ACACA: variants seen among roughly 807,000 people sequenced by gnomAD.
ACACA encodes the protein acetyl-CoA carboxylase alpha, also known as acetyl-CoA carboxylase 1.
In ACACA, 103 loss-of-function variants were observed where a neutral mutation model predicts 296.1. The observed-to-expected ratio is 0.35, with a 90% CI of 0.30 to 0.41. The LOEUF is 0.41. ACACA is among the 10% of genes least tolerant of loss of function. The pLI is 1.00. For missense variants in ACACA, 1,554 were observed against 2,989.7 expected, an observed-to-expected ratio of 0.52 and a Z score of 11.20; for synonymous variants, 953 against 1,038.6, an observed-to-expected ratio of 0.92 and a Z score of 1.58.
chr17:37,216,159 A>AC (rs1598205839), intron 29 of ACACA, among the ~76,000 whole-genome samples: 1,732 of 90,746 alleles, frequency 0.019, 24 homozygotes, highest in East Asian at 0.089. Flanking sequence ...CACACACACA[A>AC]CATACACATG....
intron 1 of ACACA, among the ~76,000 whole-genome samples, chr17:37,357,334 A>G (rs1175307734): frequency 6.6e-6 from 1 of 152,108 alleles, no homozygotes; most frequent in Non-Finnish European, 1.5e-5. Context: ...CTCTACCGAA[A>G]ATACAAAAAT....
chr17:37,353,192 A>C (rs2048982174), intron 1 of ACACA, among the ~76,000 whole-genome samples: 1 of 152,216 alleles, frequency 6.6e-6, no homozygotes, highest in Non-Finnish European at 1.5e-5. Context: ...AGCATAAAAC[A>C]GGACCCAGCA....
intron 1 of ACACA, among the ~76,000 whole-genome samples, chr17:37,342,913 A>AT (rs1339633126): frequency 2.0e-5 from 3 of 152,138 alleles, no homozygotes; most frequent in African/African-American, 7.2e-5. Flanking sequence ...GGCCAACAGA[A>AT]TGAGATTTTG....
intron 52 of ACACA, among the ~76,000 whole-genome samples, chr17:37,099,373 A>G (rs1031731882): frequency 6.6e-6 from 1 of 152,152 alleles, no homozygotes; most frequent in African/African-American, 2.4e-5. Context: ...CCTGAACAGC[A>G]TGAACGCACC....
chr17:37,391,256 G>C (rs771174847), intron 1 of ACACA, among the ~76,000 whole-genome samples: 26 of 152,170 alleles, frequency 1.7e-4, no homozygotes, highest in Admixed American at 5.2e-4. Context: ...ATAGTACTAA[G>C]ATAGCAATCT....
chr17:37,260,249 CATATATATATAT>C (rs1172232844), intron 11 of ACACA, among the ~76,000 whole-genome samples: 352 of 30,468 alleles, frequency 0.012, 12 homozygotes, highest in Middle Eastern at 0.028. Context: ...ACTCCCAAGT[CATATATATATAT>C]ATATATATAT....
At chr17:37,172,179 G>A (rs192941549) in intron 41 of ACACA, among the ~76,000 whole-genome samples, 1 of 152,142 alleles carries the variant, frequency 6.6e-6, no homozygotes, top group South Asian at 2.1e-4. Flanking sequence ...ACATTCTTTT[G>A]TTTGAAGGCT....
chr17:37,120,847 G>C (rs1447518818), intron 50 of ACACA, among the ~76,000 whole-genome samples: 1 of 152,100 alleles, frequency 6.6e-6, no homozygotes, highest in Admixed American at 6.5e-5. Flanking sequence ...TTGTAATAAT[G>C]GTCTAATATG....
rs547681899 is a variant in ACACA, at chr17:37,406,425, C to T, written c.-126G>A. The T allele has an allele frequency of 2.8e-6, 3 of 1,082,670 alleles. No individual in the cohort carries two copies. The highest frequency in any genetic ancestry group is 1.5e-5 in the African/African-American group (1 of 64,720). 67.1% of individuals were successfully genotyped at this position (1,082,670 alleles called of 1,614,324 possible). Reference sequence around the variant, plus strand: ...ACGCACCCTCTTCACCCCTTAAAATCAGTCTGGTTCATCCACGAGCAGCCC... The same window carrying T: ...ACGCACCCTCTTCACCCCTTAAAATTAGTCTGGTTCATCCACGAGCAGCCC... On this transcript the variant is annotated 5_prime_UTR_variant, in exon 1 of 56. Coordinates refer to ENST00000616317, the MANE Select transcript of ACACA (RefSeq NM_198834.3).
intron 24 of ACACA, among the ~76,000 whole-genome samples, chr17:37,236,637 C>T (rs1253028061): frequency 6.6e-6 from 1 of 152,068 alleles, no homozygotes; most frequent in African/African-American, 2.4e-5. Flanking sequence ...CCAGGCTGGC[C>T]AACAGGGTGA....
intron 1 of ACACA, among the ~76,000 whole-genome samples, chr17:37,401,121 C>G (rs1486316213): frequency 2.6e-5 from 4 of 151,956 alleles, no homozygotes; most frequent in Non-Finnish European, 5.9e-5. Flanking sequence ...ATTCACATTT[C>G]CCTGATGATT....
At chr17:37,352,111 G>A (rs924374491) in intron 1 of ACACA, among the ~76,000 whole-genome samples, 15 of 151,398 alleles carry the variant, frequency 9.9e-5, no homozygotes, top group Non-Finnish European at 1.9e-4. Context: ...GTAGAGACAA[G>A]GCTTCACCAT....
chr17:37,381,532 T>G (rs867094797), intron 1 of ACACA, among the ~76,000 whole-genome samples: 2 of 151,854 alleles, frequency 1.3e-5, no homozygotes, highest in African/African-American at 4.8e-5. Context: ...GGTCGTTCCA[T>G]TTCAATACGT....
intron 3 of ACACA, among the ~76,000 whole-genome samples, chr17:37,290,204 C>T (rs927831665): frequency 3.9e-5 from 6 of 152,226 alleles, no homozygotes; most frequent in South Asian, 2.1e-4. Flanking sequence ...TGTGCCACCA[C>T]GCTCGACTAA....
At chr17:37,172,427 T>C (rs2076916701) in intron 41 of ACACA, among the ~76,000 whole-genome samples, 1 of 152,222 alleles carries the variant, frequency 6.6e-6, no homozygotes, top group Non-Finnish European at 1.5e-5. Flanking sequence ...CAGAAATTCA[T>C]TAGAAGTAAT....
chr17:37,086,950 G>A lies in ACACA; in HGVS notation c.*366C>T, dbSNP rs2072243456. On this transcript the variant is annotated 3_prime_UTR_variant, in exon 56 of 56. Transcript: ENST00000616317. ...TGCTCACTGCTGGGCAACTCCTCAC[G>A]CTTCCCCATGCTGGGAGGCCAAGGG... 5 of 352,836 alleles carry A rather than the reference G, an allele frequency of 1.4e-5. No individual in the cohort carries two copies. The highest frequency in any genetic ancestry group is 5.0e-5 in the South Asian group (2 of 39,952). The allele number at this position is 352,836 out of a possible 1,614,324, so 21.9% of individuals were successfully genotyped here. A position where few individuals can be genotyped will look rare whatever the true frequency, so the allele number is the denominator to read the frequency against.
intron 27 of ACACA, 24 bp downstream of exon 27, chr17:37,224,967 TA>T (rs758273502): frequency 5.9e-5 from 7 of 118,688 alleles, no homozygotes; most frequent in Admixed American, 1.1e-4. Flanking sequence ...AGGAAAGGGT[TA>T]TATATATATA....
In ACACA at chr17:37,276,996, G is replaced by C. The variant is rs765596336; in HGVS notation, c.802+37C>G. ...AAAATGTGGGCAAAATTGACAGAAA[G>C]AAACAGAAAGACGGACAATATGTCA... On this transcript the variant is annotated intron_variant, in intron 7 of 55. Coordinates refer to ENST00000616317, the MANE Select transcript of ACACA (RefSeq NM_198834.3). 3 of 1,577,180 alleles carry C rather than the reference G, an allele frequency of 1.9e-6. No individual in the cohort carries two copies. The Admixed American group carries it at 5.0e-5, about 26-fold the overall frequency.
chr17:37,337,132 G>A (rs1449520145), intron 2 of ACACA, among the ~76,000 whole-genome samples: 1 of 152,086 alleles, frequency 6.6e-6, no homozygotes, highest in African/African-American at 2.4e-5. Context: ...AGCCCTAAAG[G>A]TTGAGAATCA....
Sources: gnomAD v4.1 joint callset for allele counts (sites outside exome capture counted in the v4.1 genomes callset) on GRCh38, gnomAD v4.1.1 for gene constraint, MANE v1.5 for transcripts, NCBI Gene and HGNC (gene_info 2026-07-23, HGNC 2026-07-21) for gene names.